DEPDC5: variants seen among roughly 807,000 people sequenced by gnomAD.
DEPDC5 encodes DEP domain containing 5, GATOR1 subcomplex subunit.
In DEPDC5, 73 loss-of-function variants were observed where a neutral mutation model predicts 217.3. That is an observed-to-expected ratio of 0.34 (90% confidence interval 0.28 to 0.41). The LOEUF is 0.41. DEPDC5 is among the 10% of genes least tolerant of loss of function. The pLI is 1.00. For synonymous variants in DEPDC5, 733 were observed against 756.7 expected, an observed-to-expected ratio of 0.97 and a Z score of 0.51; for missense variants, 1,675 against 2,070.1, an observed-to-expected ratio of 0.81 and a Z score of 3.70.
At chr22:31,861,955 T>A (rs1403417843) in intron 33 of DEPDC5, among the ~76,000 whole-genome samples, 1 of 152,204 alleles carries the variant, frequency 6.6e-6, no homozygotes, top group Non-Finnish European at 1.5e-5. Flanking sequence ...AAGATTTGGA[T>A]GAGCCGGGTG....
chr22:31,792,922 C>A, intron 12 of DEPDC5, 105 bp downstream of exon 12: 3 of 965,622 alleles, frequency 3.1e-6, no homozygotes, highest in Non-Finnish European at 4.2e-6. Flanking sequence ...CTGTCTCTAC[C>A]AAAAATACAA....
At chr22:31,770,855 G>C (rs2083291047) in intron 7 of DEPDC5, among the ~76,000 whole-genome samples, 2 of 147,460 alleles carry the variant, frequency 1.4e-5, no homozygotes, top group African/African-American at 5.0e-5. Flanking sequence ...GCAGTGGTGT[G>C]ATCTTGTCTC....
intron 7 of DEPDC5, among the ~76,000 whole-genome samples, chr22:31,772,503 G>C (rs1399724537): frequency 1.3e-5 from 2 of 152,142 alleles, no homozygotes; most frequent in Non-Finnish European, 2.9e-5. Context: ...CTGCAAAATG[G>C]AGTAGTTGGT....
At chr22:31,813,036 G>A (rs2088620966) in intron 20 of DEPDC5, among the ~76,000 whole-genome samples, 2 of 152,070 alleles carry the variant, frequency 1.3e-5, no homozygotes, top group Admixed American at 6.6e-5. Flanking sequence ...CACTGCCCCC[G>A]CCAGATTTCT....
chr22:31,869,613 G>A (rs1307666799), intron 33 of DEPDC5, among the ~76,000 whole-genome samples: 1 of 151,162 alleles, frequency 6.6e-6, no homozygotes, highest in African/African-American at 2.4e-5. Context: ...GCCACTAGTT[G>A]TGGAGAAGAG....
At chr22:31,798,464 G>A (rs2086504148) in intron 13 of DEPDC5, 118 bp from the exon 14 acceptor site, 1 of 770,338 alleles carries the variant, frequency 1.3e-6, no homozygotes, top group Admixed American at 2.7e-5. Flanking sequence ...GTTGCAGTGA[G>A]CCAAGATTGT....
Position 31,864,501 on chromosome 22 carries a change from A to AATATATATATATATATATATATATATAT in DEPDC5, c.3330+3092_3330+3093insATATATATATATATATATATATATATAT, listed in dbSNP as rs34148134. ...CCTTCTGAACCTGTTTCTTCATTAA[A>AATATATATATATATATATATATATATAT]ATATATATATATATATATATATATT... On this transcript the variant is annotated intron_variant, in intron 33 of 42. Transcript: ENST00000651528. Among the ~76,000 whole-genome samples, 135 of 123,008 alleles carry AATATATATATATATATATATATATATAT rather than the reference A, an allele frequency of 1.1e-3. 1 individual carries two copies. The highest frequency in any genetic ancestry group is 1.5e-3 in the African/African-American group (49 of 32,222). The allele number at this position is 123,008 out of a possible 152,430, so 80.7% of individuals were successfully genotyped here. A position where few individuals can be genotyped will look rare whatever the true frequency, so the allele number is the denominator to read the frequency against.
At chr22:31,864,530 A>ATATATT (rs1372150061) in intron 33 of DEPDC5, among the ~76,000 whole-genome samples, 56 of 139,048 alleles carry the variant, frequency 4.0e-4, no homozygotes, top group Admixed American at 5.1e-4. Flanking sequence ...ATATATTTAT[A>ATATATT]TATTTATTTA....
intron 18 of DEPDC5, among the ~76,000 whole-genome samples, chr22:31,808,688 T>A (rs1166258335): frequency 6.6e-6 from 1 of 152,058 alleles, no homozygotes; most frequent in Non-Finnish European, 1.5e-5. Context: ...CATCTTGGCC[T>A]CCCAAAGTGC....
At chr22:31,823,505 C>T (rs542436558) in intron 24 of DEPDC5, among the ~76,000 whole-genome samples, 1 of 146,360 alleles carries the variant, frequency 6.8e-6, no homozygotes, top group South Asian at 2.2e-4. Context: ...TGTACTCCAG[C>T]CTGGGCTGCA....
At chr22:31,804,352 A>C in intron 16 of DEPDC5, 129 bp downstream of exon 16, 1 of 858,372 alleles carries the variant, frequency 1.2e-6, no homozygotes, top group Non-Finnish European at 1.9e-6. Flanking sequence ...AGATCCCTTA[A>C]GCCTAGGAGT....
chr22:31,796,304 C>T (rs1569523419), intron 12 of DEPDC5, among the ~76,000 whole-genome samples: 2 of 151,606 alleles, frequency 1.3e-5, no homozygotes, highest in African/African-American at 2.4e-5. Context: ...AGGGTTTCAC[C>T]GTGTTAGCCA....
intron 7 of DEPDC5, among the ~76,000 whole-genome samples, chr22:31,770,651 C>T (rs1313076323): frequency 6.6e-6 from 1 of 151,276 alleles, no homozygotes; most frequent in Non-Finnish European, 1.5e-5. Flanking sequence ...CTTCGACTCC[C>T]AAAGTGCTGG....
At chr22:31,847,753 T>A (rs2149044682) in intron 31 of DEPDC5, among the ~76,000 whole-genome samples, 1 of 152,322 alleles carries the variant, frequency 6.6e-6, no homozygotes. Flanking sequence ...CCATATCATT[T>A]CACCCCTGGC....
intron 41 of DEPDC5, 128 bp downstream of exon 41, chr22:31,901,930 C>A: frequency 1.3e-6 from 1 of 782,220 alleles, no homozygotes. Flanking sequence ...GGCAAATTCA[C>A]TGCTTATCTC....
intron 2 of DEPDC5, 88 bp from the exon 3 acceptor site, chr22:31,758,458 C>T: frequency 1.7e-6 from 2 of 1,203,180 alleles, no homozygotes; most frequent in African/African-American, 3.0e-5. Flanking sequence ...GCAATACCAT[C>T]CTGATGGGGT....
intron 38 of DEPDC5, among the ~76,000 whole-genome samples, chr22:31,884,451 G>A (rs142196275): frequency 8.5e-5 from 13 of 152,282 alleles, no homozygotes; most frequent in Non-Finnish European, 1.8e-4. Flanking sequence ...TTAGCCTGGC[G>A]GCCAGTCCTC....
intron 7 of DEPDC5, among the ~76,000 whole-genome samples, chr22:31,776,907 A>G (rs1383858820): frequency 6.6e-6 from 1 of 151,846 alleles, no homozygotes; most frequent in Non-Finnish European, 1.5e-5. Flanking sequence ...TCAAAAATGC[A>G]TGGAGGAAAA....
At chr22:31,788,730 C>T (rs1428905341) in intron 10 of DEPDC5, among the ~76,000 whole-genome samples, 4 of 151,864 alleles carry the variant, frequency 2.6e-5, no homozygotes, top group East Asian at 1.9e-4. Flanking sequence ...CCCACCACCA[C>T]GCCCATCTAA....
Sources: allele counts gnomAD v4.1 joint callset (sites outside exome capture counted in the v4.1 genomes callset), GRCh38; gene constraint gnomAD v4.1.1; transcripts MANE v1.5; gene names NCBI Gene and HGNC (gene_info 2026-07-23, HGNC 2026-07-21).